CDC42: variants seen among roughly 807,000 people sequenced by gnomAD.
The protein encoded by CDC42 is cell division control protein 42 homolog.
CDC42 carries 1 observed loss-of-function variant against 20.8 expected under a neutral mutation model. That is an observed-to-expected ratio of 0.05 (90% CI 0.02 to 0.23). CDC42 has a LOEUF of 0.23. Among genes scored for constraint, CDC42 ranks in the 10% least tolerant of loss-of-function variants. The pLI is 1.00. For synonymous variants in CDC42, 72 were observed against 84.8 expected, an observed-to-expected ratio of 0.85 and a Z score of 0.83; for missense variants, 49 against 227.9, an observed-to-expected ratio of 0.21 and a Z score of 5.05.
intron 1 of CDC42, 64 bp from the exon 2 acceptor site, chr1:22,078,365 C>A: frequency 1.4e-6 from 1 of 726,696 alleles, no homozygotes; most frequent in South Asian, 2.0e-5. Flanking sequence ...GAACCTGTTG[C>A]TAAGTGAGGA....
At chr1:22,082,417 G>C (rs1645617327) in intron 3 of CDC42, among the ~76,000 whole-genome samples, 1 of 152,166 alleles carries the variant, frequency 6.6e-6, no homozygotes, top group Admixed American at 6.5e-5. Flanking sequence ...TATCCAAATT[G>C]TAAGAACAAA....
At chr1:22,053,434 G>GT in intron 1 of CDC42, 1 of 152,240 alleles carries the variant, frequency 6.6e-6, no homozygotes. Flanking sequence ...CCTTTCGGAG[G>GT]TCGAGTTCCT....
chr1:22,072,076 A>G (rs1395572361), intron 1 of CDC42, among the ~76,000 whole-genome samples: 2 of 148,508 alleles, frequency 1.3e-5, no homozygotes, highest in Admixed American at 6.8e-5. Context: ...GAACTCAGGA[A>G]AACGTTTTAC....
intron 3 of CDC42, among the ~76,000 whole-genome samples, chr1:22,085,221 G>C (rs958049979): frequency 6.8e-5 from 4 of 58,744 alleles, no homozygotes; most frequent in Non-Finnish European, 1.1e-4. Context: ...GATAGAGTGA[G>C]ACTCTGTCTA....
chr1:22,094,726 G>A lies in CDC42; in HGVS notation c.*3209G>A, dbSNP rs1401971102. Among the ~76,000 whole-genome samples the A allele has an allele frequency of 1.3e-5, 2 of 152,134 alleles. No homozygotes were observed. Among genetic ancestry groups the A allele is most frequent in the Non-Finnish European group, 2.9e-5 (2 of 68,026 alleles). On this transcript the variant is annotated 3_prime_UTR_variant, in exon 6 of 6. Transcript: ENST00000656825. ...ATTGTAATATTTCCTTCATTCTGAGGTGTATTTTTCTCACATTTTCATATT... is the reference window on the plus strand; with the variant it reads ...ATTGTAATATTTCCTTCATTCTGAGATGTATTTTTCTCACATTTTCATATT...
At position 22,091,373 on chromosome 1, in the gene CDC42, A is replaced by G. The variant is rs1388734312; in HGVS notation, c.487-55A>G. 14 of 1,158,696 alleles carry G rather than the reference A, an allele frequency of 1.2e-5. No homozygotes were observed. The East Asian group carries it at 3.3e-4, about 27-fold the overall frequency. 71.8% of individuals were successfully genotyped at this position (1,158,696 alleles called of 1,614,324 possible). On this transcript the variant is annotated intron_variant, in intron 5 of 5. Transcript: ENST00000656825. Reference sequence around the variant, plus strand: ...TTTGAATGTTTTAAATTTGAACTCCAACTTTATTATACTGAAAATCAGACC... The same window carrying G: ...TTTGAATGTTTTAAATTTGAACTCCGACTTTATTATACTGAAAATCAGACC...
chr1:22,071,198 C>T (rs1645488350), intron 1 of CDC42, among the ~76,000 whole-genome samples: 1 of 151,920 alleles, frequency 6.6e-6, no homozygotes, highest in Non-Finnish European at 1.5e-5. Context: ...CGCCTGCCAC[C>T]ACGCCCGGCT....
Position 22,100,029 on chromosome 1 carries a change from C to CTTTT in CDC42, c.*8524_*8527dup, listed in dbSNP as rs1553197240. 6.0e-5 allele frequency among the ~76,000 whole-genome samples: 1 copy of CTTTT among 16,670 alleles called. No individual in the cohort carries two copies. The highest frequency in any genetic ancestry group is 2.1e-4 in the Non-Finnish European group (1 of 4,802). 10.9% of individuals were successfully genotyped at this position (16,670 alleles called of 152,430 possible). A position where few individuals can be genotyped will look rare whatever the true frequency, so the allele number is the denominator to read the frequency against. On this transcript the variant is annotated 3_prime_UTR_variant, in exon 6 of 6. Transcript: ENST00000656825. ...TTTTTTCTTTCTTCTTCTTCTTCTT[C>CTTTT]TTTTTTTTTTTTTTTGTATAATAGG...
intron 1 of CDC42, among the ~76,000 whole-genome samples, chr1:22,066,438 T>G (rs971283547): frequency 6.6e-6 from 1 of 152,222 alleles, no homozygotes; most frequent in Non-Finnish European, 1.5e-5. Flanking sequence ...GGTTAATTAC[T>G]CCTGTGATTC....
chr1:22,090,695 A>T (rs1466289187), intron 5 of CDC42: 1 of 985,246 alleles, frequency 1.0e-6, no homozygotes, highest in East Asian at 1.1e-4. Context: ...TAATGCTGAG[A>T]TGTAAAGCTG....
intron 1 of CDC42, among the ~76,000 whole-genome samples, chr1:22,074,982 C>T (rs1225489067): frequency 6.6e-6 from 1 of 151,938 alleles, no homozygotes; most frequent in Non-Finnish European, 1.5e-5. Context: ...CTTCAGGCTG[C>T]TTTTTTTTGT....
In CDC42 at chr1:22,086,803, T is replaced by G. The variant is rs1645665932; in HGVS notation, c.423T>G (p.Thr141=). Residue 141 remains threonine, a synonymous_variant, in exon 5 of 6, where the codon ACT becomes ACG. Transcript: ENST00000656825. The part of the protein sequence containing the change: ...KNKQKPITPE[T]AEKLARDLKA... ...AACAGAAGCCTATCACTCCAGAGACTGCTGAAAAGCTGGCCCGTGACCTGA... is the reference window on the plus strand; with the variant it reads ...AACAGAAGCCTATCACTCCAGAGACGGCTGAAAAGCTGGCCCGTGACCTGA... 2 of 1,613,996 alleles carry G rather than the reference T, an allele frequency of 1.2e-6. No homozygotes were observed. Among genetic ancestry groups the G allele is most frequent in the Non-Finnish European group, 1.7e-6 (2 of 1,180,000 alleles).
intron 3 of CDC42, among the ~76,000 whole-genome samples, chr1:22,082,691 T>C (rs1327857111): frequency 6.6e-6 from 1 of 152,192 alleles, no homozygotes; most frequent in Non-Finnish European, 1.5e-5. Context: ...CACGAGGAAC[T>C]ATTTGGATTT....
intron 1 of CDC42, among the ~76,000 whole-genome samples, chr1:22,075,635 ACATGTACTAAG>A (rs1240936389): frequency 6.6e-6 from 1 of 152,250 alleles, no homozygotes; most frequent in Non-Finnish European, 1.5e-5. Context: ...CTAATAATTA[ACATGTACTAAG>A]CATGTACTGT....
chr1:22,078,433 T>A lies in CDC42; in HGVS notation c.-46T>A, dbSNP rs16826470. ...ATGTCTTTAATCTTTTTGCAGGTCA[T>A]CATCAGATTTGAAATATTTAAAGTG... is the stretch of plus-strand genomic sequence containing the variant. On this transcript the variant is annotated 5_prime_UTR_variant, in exon 2 of 6. Coordinates refer to ENST00000656825, the MANE Select transcript of CDC42 (RefSeq NM_001791.4). 2.2e-3 allele frequency: 2,995 copies of A among 1,360,384 alleles called. 47 individuals carry two copies. In the African/African-American group the frequency reaches 0.038, roughly 17 times the overall value. The allele number at this position is 1,360,384 out of a possible 1,614,324, so 84.3% of individuals were successfully genotyped here. A position where few individuals can be genotyped will look rare whatever the true frequency, so the allele number is the denominator to read the frequency against.
rs1645733281 is a variant in CDC42, at chr1:22,093,168, A to G, written c.*1651A>G. Among the ~76,000 whole-genome samples the G allele has an allele frequency of 6.6e-6, 1 of 152,146 alleles. No homozygotes were observed. The highest frequency in any genetic ancestry group is 1.9e-4 in the East Asian group (1 of 5,200). On this transcript the variant is annotated 3_prime_UTR_variant, in exon 6 of 6. Transcript: ENST00000656825. The stretch of plus-strand genomic sequence containing the variant: ...AAGTTTGACCCTTCCCTTAAATACC[A>G]AGTAGGTCCATAATAATTCTTAGTG...
At chr1:22,060,781 TTCATA>T (rs1295851116) in intron 1 of CDC42, among the ~76,000 whole-genome samples, 1 of 152,234 alleles carries the variant, frequency 6.6e-6, no homozygotes, top group Non-Finnish European at 1.5e-5. Flanking sequence ...AATTAATACA[TTCATA>T]TCACTTGCTT....
At chr1:22,061,528 CTTTCTTT>C (rs1303424747) in intron 1 of CDC42, among the ~76,000 whole-genome samples, 2,021 of 86,184 alleles carry the variant, frequency 0.023, 457 homozygotes, top group East Asian at 0.028. Flanking sequence ...CTTCATGTTT[CTTTCTTT>C]TTTTTTTTTT....
chr1:22,094,882 C>T lies in CDC42; in HGVS notation c.*3365C>T, dbSNP rs1442244962. Reference sequence around the variant, plus strand: ...TTCATAGAATGCTTAAATAGTGGTACTTCTTTGACTTGTTAGGTTTGGACT... The same window carrying T: ...TTCATAGAATGCTTAAATAGTGGTATTTCTTTGACTTGTTAGGTTTGGACT... On this transcript the variant is annotated 3_prime_UTR_variant, in exon 6 of 6. Transcript: ENST00000656825. Among the ~76,000 whole-genome samples the T allele has an allele frequency of 6.6e-6, 1 of 152,136 alleles. No individual in the cohort carries two copies. Among genetic ancestry groups the T allele is most frequent in the Non-Finnish European group, 1.5e-5 (1 of 68,018 alleles).
Sources: gnomAD v4.1 joint callset for allele counts (sites outside exome capture counted in the v4.1 genomes callset) on GRCh38, gnomAD v4.1.1 for gene constraint, MANE v1.5 for transcripts, NCBI Gene and HGNC (gene_info 2026-07-23, HGNC 2026-07-21) for gene names.